CTNND2: variants seen among roughly 807,000 people sequenced by gnomAD.
The protein encoded by CTNND2 is catenin delta-2.
In CTNND2, 22 loss-of-function variants were observed where a neutral mutation model predicts 144.4. That is an observed-to-expected ratio of 0.15 (90% CI 0.11 to 0.22). CTNND2 has a LOEUF of 0.22. Ranked by LOEUF, CTNND2 falls within the 10% of genes least tolerant of loss-of-function variation. CTNND2 has a pLI of 1.00. For missense variants in CTNND2, 1,353 were observed against 1,618.8 expected, an observed-to-expected ratio of 0.84 and a Z score of 2.82; for synonymous variants, 751 against 695.6, an observed-to-expected ratio of 1.08 and a Z score of -1.25.
chr5:11,903,037 GA>G lies in CTNND2; in HGVS notation c.37+779del. On this transcript the variant is annotated intron_variant, in intron 1 of 21. Coordinates refer to ENST00000304623, the MANE Select transcript of CTNND2 (RefSeq NM_001332.4). This position sits in a 1 kb window ranked among gnomAD's most constrained non-coding sequence, Gnocchi z 5.4. ...CTCAACCTGCCGAGTGGCAATCGAAGAAAACACACTACACACCAGAATAAGA... is the reference window on the plus strand; with the variant it reads ...CTCAACCTGCCGAGTGGCAATCGAAGAAACACACTACACACCAGAATAAGA... 1 of 273,410 alleles carries G rather than the reference GA, an allele frequency of 3.7e-6. No individual in the cohort carries two copies. The highest frequency in any genetic ancestry group is 5.6e-6 in the Non-Finnish European group (1 of 179,192). The allele number at this position is 273,410 out of a possible 1,614,324, so 16.9% of individuals were successfully genotyped here.
intron 2 of CTNND2, among the ~76,000 whole-genome samples, chr5:11,570,967 C>G (rs772192187): frequency 6.6e-6 from 1 of 151,982 alleles, no homozygotes; most frequent in African/African-American, 2.4e-5. Context: ...GTTTTACTTT[C>G]TGAAAAGTTT....
chr5:11,333,721 T>C (rs13190415), intron 9 of CTNND2, among the ~76,000 whole-genome samples: 2 of 152,164 alleles, frequency 1.3e-5, no homozygotes, highest in Non-Finnish European at 2.9e-5. Flanking sequence ...ACCTGGAAGA[T>C]CCAAAGGCTC....
In CTNND2 at chr5:11,726,547, C is replaced by T. The variant is rs145547243; in HGVS notation, c.174+5589G>A. ...ACTTTTACACAACATGCATGAATTACGCCTTTATAGTGGAAAATTCATAAA... is the reference window on the plus strand; with the variant it reads ...ACTTTTACACAACATGCATGAATTATGCCTTTATAGTGGAAAATTCATAAA... On this transcript the variant is annotated intron_variant, in intron 2 of 21. Transcript: ENST00000304623. Among the ~76,000 whole-genome samples, 247 of 152,206 alleles carry T rather than the reference C, an allele frequency of 1.6e-3. 3 individuals are homozygous for T. Among genetic ancestry groups the T allele is most frequent in the African/African-American group, 5.5e-3 (228 of 41,548 alleles).
chr5:11,453,375 C>T (rs940350486), intron 3 of CTNND2, among the ~76,000 whole-genome samples: 1 of 152,220 alleles, frequency 6.6e-6, no homozygotes, highest in Non-Finnish European at 1.5e-5. Flanking sequence ...TGGCAAAACA[C>T]ATCAGCTCTT....
intron 10 of CTNND2, among the ~76,000 whole-genome samples, chr5:11,213,307 C>A (rs61751768): frequency 0.023 from 3,463 of 152,206 alleles, 85 homozygotes; most frequent in African/African-American, 0.059. Context: ...AGTTCCACCA[C>A]TCAGAGCTCC....
chr5:11,656,864 CT>C (rs993973153), intron 2 of CTNND2, among the ~76,000 whole-genome samples: 7 of 152,114 alleles, frequency 4.6e-5, no homozygotes, highest in African/African-American at 1.7e-4. Context: ...CTTACAATCA[CT>C]TTCGGCCAGA....
At chr5:11,733,982 G>A (rs1227110252) in intron 1 of CTNND2, among the ~76,000 whole-genome samples, 1 of 152,078 alleles carries the variant, frequency 6.6e-6, no homozygotes, top group Admixed American at 6.6e-5. Context: ...AGTCAAGAGG[G>A]TGGAGCCCTC....
At chr5:11,513,059 T>C (rs1240147128) in intron 3 of CTNND2, among the ~76,000 whole-genome samples, 4 of 152,188 alleles carry the variant, frequency 2.6e-5, no homozygotes, top group Non-Finnish European at 5.9e-5. Flanking sequence ...TTCATTTTCA[T>C]TGCTGTTTTT....
At chr5:11,636,031 C>CG (rs70949331) in intron 2 of CTNND2, among the ~76,000 whole-genome samples, 52,732 of 143,620 alleles carry the variant, frequency 0.37, 8,869 homozygotes, top group East Asian at 0.55. Context: ...TTAATCCCCC[C>CG]CCACCCCCGC....
At chr5:11,510,489 T>A (rs1219161192) in intron 3 of CTNND2, among the ~76,000 whole-genome samples, 1 of 152,244 alleles carries the variant, frequency 6.6e-6, no homozygotes, top group Non-Finnish European at 1.5e-5. Context: ...CTTGTGGTTT[T>A]ATTTGTACAG....
At chr5:11,862,962 G>A (rs1484334664) in intron 1 of CTNND2, among the ~76,000 whole-genome samples, 1 of 152,152 alleles carries the variant, frequency 6.6e-6, no homozygotes, top group Non-Finnish European at 1.5e-5. Flanking sequence ...GAAATATAAA[G>A]ACTAGTTAGA....
intron 1 of CTNND2, among the ~76,000 whole-genome samples, chr5:11,746,993 T>C (rs1298727658): frequency 1.3e-5 from 2 of 152,188 alleles, no homozygotes; most frequent in East Asian, 3.8e-4. Flanking sequence ...ATACATGATA[T>C]TAAAGTAGTC....
chr5:11,444,214 G>T (rs1764592899), intron 3 of CTNND2, among the ~76,000 whole-genome samples: 1 of 152,154 alleles, frequency 6.6e-6, no homozygotes, highest in African/African-American at 2.4e-5. Flanking sequence ...TTACTGGGCT[G>T]CTGGAGAACT....
intron 12 of CTNND2, among the ~76,000 whole-genome samples, chr5:11,120,800 G>C (rs1246495606): frequency 1.3e-5 from 2 of 151,180 alleles, no homozygotes; most frequent in Non-Finnish European, 3.0e-5. Context: ...CCGCAGGCAT[G>C]ATGAGGCTCA....
chr5:11,611,851 CT>C (rs1375660486), intron 2 of CTNND2, among the ~76,000 whole-genome samples: 1 of 152,192 alleles, frequency 6.6e-6, no homozygotes, highest in Non-Finnish European at 1.5e-5. Context: ...ATATTTCCTT[CT>C]CTTCTGCATC....
chr5:11,501,594 G>C (rs114023673), intron 3 of CTNND2, among the ~76,000 whole-genome samples: 2,502 of 152,234 alleles, frequency 0.016, 70 homozygotes, highest in African/African-American at 0.057. Context: ...TTACGTTGTC[G>C]CTCCCCAAAT....
At position 11,048,594 on chromosome 5, in the gene CTNND2, C is replaced by T. The variant is rs1745519918; in HGVS notation, c.2789-25615G>A. ...CTTAAACAGTTGAGCCATGTAACAT[C>T]CCTGCCCCACACTGCCCCTGTGTTG... On this transcript the variant is annotated intron_variant, in intron 16 of 21. Transcript: ENST00000304623. 2.0e-5 allele frequency among the ~76,000 whole-genome samples: 3 copies of T among 152,184 alleles called. No homozygotes were observed. The South Asian group carries it at 6.2e-4, about 32-fold the overall frequency.
chr5:11,462,447 G>A (rs1766303168), intron 3 of CTNND2, among the ~76,000 whole-genome samples: 2 of 152,022 alleles, frequency 1.3e-5, no homozygotes, highest in African/African-American at 4.8e-5. Flanking sequence ...CAGCCTCCCT[G>A]CCTTTGCTGT....
At chr5:11,655,906 T>G (rs73059711) in intron 2 of CTNND2, among the ~76,000 whole-genome samples, 2 of 152,094 alleles carry the variant, frequency 1.3e-5, no homozygotes, top group South Asian at 4.1e-4. Context: ...ACACACTCAT[T>G]TGGTTTCTAA....
Sources: gnomAD v4.1 joint callset for allele counts (sites outside exome capture counted in the v4.1 genomes callset) on GRCh38, gnomAD v4.1.1 for gene constraint, Gnocchi (gnomAD v3.1) non-coding constraint, MANE v1.5 for transcripts, NCBI Gene and HGNC (gene_info 2026-07-23, HGNC 2026-07-21) for gene names.